Variants in BAIAP2L1 observed in about 807,000 individuals in gnomAD.
BAIAP2L1 encodes the protein BAR/IMD domain-containing adapter protein 2-like 1.
BAIAP2L1 carries 35 observed loss-of-function variants against 66.3 expected under a neutral mutation model. The observed-to-expected ratio is 0.53, with a 90% CI of 0.40 to 0.70. The LOEUF is 0.70. Among genes scored for constraint, BAIAP2L1 ranks in the 30% least tolerant of loss-of-function variants. The pLI, the probability that BAIAP2L1 is intolerant of heterozygous loss-of-function variation, is 0.00. For missense variants in BAIAP2L1, 622 were observed against 656.9 expected, an observed-to-expected ratio of 0.95 and a Z score of 0.58; for synonymous variants, 269 against 248.7, an observed-to-expected ratio of 1.08 and a Z score of -0.77.
At chr7:98,389,596 C>T (rs73391087) in intron 1 of BAIAP2L1, among the ~76,000 whole-genome samples, 7 of 151,980 alleles carry the variant, frequency 4.6e-5, no homozygotes, top group Non-Finnish European at 8.8e-5. Context: ...GCTGGGATTA[C>T]GGGCATGAGG....
intron 1 of BAIAP2L1, among the ~76,000 whole-genome samples, chr7:98,390,167 G>A (rs923535022): frequency 2.0e-5 from 3 of 151,292 alleles, no homozygotes; most frequent in Admixed American, 6.6e-5. Flanking sequence ...TGCCCACCTC[G>A]GCCTCCCAAA....
chr7:98,338,179 T>G (rs2115618349), intron 3 of BAIAP2L1, among the ~76,000 whole-genome samples: 1 of 152,230 alleles, frequency 6.6e-6, no homozygotes, highest in East Asian at 1.9e-4. Context: ...ACGCTTGTAA[T>G]CCCAGCACTT....
Position 98,293,255 on chromosome 7 carries a change from C to A in BAIAP2L1, c.*266G>T. ...TTAAAAAATACAGTAAAGATTGAAA[C>A]CAAGTTTACTGTTTCTTGAACAGAA... On this transcript the variant is annotated 3_prime_UTR_variant, in exon 14 of 14. Coordinates refer to ENST00000005260, the MANE Select transcript of BAIAP2L1 (RefSeq NM_018842.5). 2.6e-6 allele frequency: 1 copy of A among 378,826 alleles called. No individual in the cohort carries two copies. Among genetic ancestry groups the A allele is most frequent in the Non-Finnish European group, 4.7e-6 (1 of 211,086 alleles). The allele number at this position is 378,826 out of a possible 1,614,324, so 23.5% of individuals were successfully genotyped here. A position where few individuals can be genotyped will look rare whatever the true frequency, so the allele number is the denominator to read the frequency against.
chr7:98,389,597 G>A (rs972493306), intron 1 of BAIAP2L1, among the ~76,000 whole-genome samples: 2 of 151,872 alleles, frequency 1.3e-5, no homozygotes, highest in Non-Finnish European at 2.9e-5. Flanking sequence ...CTGGGATTAC[G>A]GGCATGAGGA....
intron 12 of BAIAP2L1, among the ~76,000 whole-genome samples, chr7:98,296,898 C>T (rs1045751121): frequency 2.0e-5 from 3 of 152,198 alleles, no homozygotes; most frequent in Non-Finnish European, 2.9e-5. Flanking sequence ...CTGTCTCAAC[C>T]GCATACCTCA....
chr7:98,377,096 G>A (rs1256093721), intron 1 of BAIAP2L1, among the ~76,000 whole-genome samples: 1 of 152,040 alleles, frequency 6.6e-6, no homozygotes, highest in Admixed American at 6.6e-5. Context: ...TACAGATCTT[G>A]GACTAGTCAG....
intron 3 of BAIAP2L1, among the ~76,000 whole-genome samples, chr7:98,351,973 G>C (rs1466276484): frequency 6.6e-6 from 1 of 152,158 alleles, no homozygotes; most frequent in African/African-American, 2.4e-5. Flanking sequence ...TTTCTCATAT[G>C]AGAGTTATAA....
intron 3 of BAIAP2L1, among the ~76,000 whole-genome samples, chr7:98,334,926 G>C (rs1387050789): frequency 2.7e-5 from 4 of 148,494 alleles, no homozygotes; most frequent in African/African-American, 7.3e-5. Flanking sequence ...GAGGCAGGTG[G>C]ATCACGAGAT....
intron 12 of BAIAP2L1, among the ~76,000 whole-genome samples, chr7:98,294,721 A>G (rs1260595347): frequency 1.3e-5 from 2 of 152,240 alleles, no homozygotes; most frequent in African/African-American, 4.8e-5. Context: ...CTCCTGAAGC[A>G]TGACAAAGAA....
Position 98,310,463 on chromosome 7 carries a change from T to C in BAIAP2L1, c.937A>G (p.Arg313Gly). 2 of 1,600,276 alleles carry C rather than the reference T, an allele frequency of 1.2e-6. No individual in the cohort carries two copies. The highest frequency in any genetic ancestry group is 1.7e-6 in the Non-Finnish European group (2 of 1,175,538). ...CTCTTACCTGTTGAATTATTTACCC[T>C]TTGTGAATTCGGGGCAGCCGTGGCT... Reference protein sequence around the residue: ...NPATAAPNSQRVNNSTGTSED... With the variant: ...NPATAAPNSQGVNNSTGTSED... The change falls in exon 9 of 14, where the codon AGG (arginine) becomes GGG (glycine). Residue 313 changes from arginine (R) to glycine (G), a missense_variant. By Grantham distance (125) the Arg-to-Gly change is moderately radical. Transcript: ENST00000005260.
At chr7:98,364,746 C>A (rs1378269233) in intron 1 of BAIAP2L1, among the ~76,000 whole-genome samples, 3 of 151,900 alleles carry the variant, frequency 2.0e-5, no homozygotes, top group African/African-American at 7.3e-5. Flanking sequence ...CTTTGGGAGG[C>A]TGAAGTGGGA....
Position 98,319,379 on chromosome 7 carries a change from G to A in BAIAP2L1, c.348+679C>T, listed in dbSNP as rs541142620. On this transcript the variant is annotated intron_variant, in intron 5 of 13. Transcript: ENST00000005260. ...CCAGGGCACACCGGGAGCCCCGGAC[G>A]GTGCTCTCCCGCACACCACCCACAG... Among the ~76,000 whole-genome samples, 8 of 152,236 alleles carry A rather than the reference G, an allele frequency of 5.3e-5. No individual in the cohort carries two copies. The South Asian group carries it at 8.3e-4, about 16-fold the overall frequency.
intron 3 of BAIAP2L1, among the ~76,000 whole-genome samples, chr7:98,348,172 T>C (rs139551104): frequency 6.6e-6 from 1 of 152,142 alleles, no homozygotes; most frequent in East Asian, 1.9e-4. Flanking sequence ...AAAAGAGTCA[T>C]TTCAAAGATA....
rs148346840 is a variant in BAIAP2L1, at chr7:98,293,525, C to T, written c.1532G>A (p.Arg511Gln). Residue 511 changes from arginine (R) to glutamine (Q), a missense_variant, in exon 14 of 14, where the codon CGA becomes CAA. By Grantham distance (43) the Arg-to-Gln change is conservative. Coordinates refer to ENST00000005260, the MANE Select transcript of BAIAP2L1 (RefSeq NM_018842.5). ...GGAGAGTCCTTGGCTGTCCTCTCAT[C>T]GAATGATGGGTGCCGAGCGATCATT... ...VTNDRSAPII[R>Q] 42 of 1,613,110 alleles carry T rather than the reference C, an allele frequency of 2.6e-5. No individual in the cohort carries two copies. The highest frequency in any genetic ancestry group is 1.5e-4 in the African/African-American group (11 of 74,916).
intron 1 of BAIAP2L1, chr7:98,386,549 G>A (rs1208905648): frequency 3.3e-5 from 52 of 1,596,932 alleles, no homozygotes; most frequent in Non-Finnish European, 3.5e-5. Flanking sequence ...CCTTTTTGCC[G>A]CCTTTCGTAA....
chr7:98,311,965 G>A (rs1214029132), intron 8 of BAIAP2L1, 132 bp downstream of exon 8: 1 of 894,002 alleles, frequency 1.1e-6, no homozygotes, highest in Admixed American at 2.4e-5. Flanking sequence ...AAGGTAAGGG[G>A]ATAGAGGTGC....
At position 98,292,618 on chromosome 7, in the gene BAIAP2L1, G is replaced by GA. The variant is rs1584404764; in HGVS notation, c.*902dup. The GA allele has an allele frequency of 6.4e-7, 1 of 1,551,526 alleles. No individual in the cohort carries two copies. Among genetic ancestry groups the GA allele is most frequent in the East Asian group, 2.4e-5 (1 of 40,912 alleles). ...CCGAGGGCATCATGGCTGCTAGGCT[G>GA]AAAAACCCGCCCTTCTCCAGGCACC... On this transcript the variant is annotated 3_prime_UTR_variant, in exon 14 of 14. Transcript: ENST00000005260.
Position 98,307,839 on chromosome 7 carries a change from A to T in BAIAP2L1, c.1013T>A (p.Met338Lys). Reference protein sequence around the residue: ...RSVSVATGLNMMKKQKVKTIF... With the variant: ...RSVSVATGLNKMKKQKVKTIF... ...GGTCTTCACTTTCTGCTTCTTCATCATGTTCAGTCCCGTTGCAACCGAAAC... is the reference window on the plus strand; with the variant it reads ...GGTCTTCACTTTCTGCTTCTTCATCTTGTTCAGTCCCGTTGCAACCGAAAC... Residue 338 changes from methionine (M) to lysine (K), a missense_variant, in exon 10 of 14, where the codon ATG (methionine) becomes AAG (lysine). Met to Lys is a moderately conservative substitution (Grantham distance 95, BLOSUM62 -1). Transcript: ENST00000005260. 1 of 1,614,226 alleles carries T rather than the reference A, an allele frequency of 6.2e-7. No homozygotes were observed. The highest frequency in any genetic ancestry group is 8.5e-7 in the Non-Finnish European group (1 of 1,180,044).
Position 98,393,146 on chromosome 7 carries a change from CAT to C in BAIAP2L1, c.51+7654_51+7655del, listed in dbSNP as rs1491118992. ...ATGTATATATACACACATATGTGTACATATATATGTACACATATATGTATATA... is the reference window on the plus strand; with the variant it reads ...ATGTATATATACACACATATGTGTACATATATGTACACATATATGTATATA... On this transcript the variant is annotated intron_variant, in intron 1 of 13. Transcript: ENST00000005260. 7.3e-3 allele frequency among the ~76,000 whole-genome samples: 750 copies of C among 103,328 alleles called. 27 individuals carry two copies. Among genetic ancestry groups the C allele is most frequent in the Admixed American group, 9.8e-3 (105 of 10,676 alleles). The allele number at this position is 103,328 out of a possible 152,430, so 67.8% of individuals were successfully genotyped here.
Sources: allele counts gnomAD v4.1 joint callset (sites outside exome capture counted in the v4.1 genomes callset), GRCh38; gene constraint gnomAD v4.1.1; transcripts MANE v1.5; gene names NCBI Gene and HGNC (gene_info 2026-07-23, HGNC 2026-07-21).